SLC12A8: variants seen among roughly 807,000 people sequenced by gnomAD.
SLC12A8 encodes solute carrier family 12 member 8.
In SLC12A8, 69 loss-of-function variants were observed where a neutral mutation model predicts 75.6. The ratio of observed to expected loss-of-function variants is 0.91; its 90% CI spans 0.75 to 1.11. The LOEUF (loss-of-function observed/expected upper bound fraction) is 1.11. SLC12A8 is among the 50% of genes most tolerant of loss of function. The pLI is 0.00. For missense variants in SLC12A8, 877 were observed against 896.7 expected, an observed-to-expected ratio of 0.98 and a Z score of 0.28; for synonymous variants, 365 against 372.8, an observed-to-expected ratio of 0.98 and a Z score of 0.24.
At chr3:125,158,756 A>G (rs1011182026) in intron 5 of SLC12A8, among the ~76,000 whole-genome samples, 1 of 152,206 alleles carries the variant, frequency 6.6e-6, no homozygotes, top group East Asian at 1.9e-4. Context: ...ACAGTTTCTG[A>G]CTGCTGTGAT....
At position 125,135,716 on chromosome 3, in the gene SLC12A8, C is replaced by T; in HGVS notation, c.689G>A (p.Gly230Glu). 1 of 1,610,246 alleles carries T rather than the reference C, an allele frequency of 6.2e-7. No individual in the cohort carries two copies. Among genetic ancestry groups the T allele is most frequent in the South Asian group, 1.1e-5 (1 of 90,360 alleles). Reference sequence around the variant, plus strand: ...CCCAAAGACAGTGAAAAAAGATTCCCCCGGGCTGTAATCGGGCAGCGTGTT... The same window carrying T: ...CCCAAAGACAGTGAAAAAAGATTCCTCCGGGCTGTAATCGGGCAGCGTGTT... The part of the protein sequence containing the change: ...QNNTLPDYSP[G>E]ESFFTVFGVF... The change falls in exon 6 of 14, where the codon GGG (glycine) becomes GAG (glutamate). Residue 230 changes from glycine (G) to glutamate (E), a missense_variant. By Grantham distance (98) the Gly-to-Glu change is moderately conservative. Transcript: ENST00000469902.
intron 5 of SLC12A8, 83 bp from the exon 6 acceptor site, chr3:125,135,865 T>A: frequency 1.3e-6 from 1 of 771,598 alleles, no homozygotes; most frequent in South Asian, 2.2e-5. Context: ...CTATTTCATA[T>A]ATCGCTTTAA....
intron 4 of SLC12A8, among the ~76,000 whole-genome samples, chr3:125,181,857 A>C (rs964044897): frequency 6.6e-6 from 1 of 152,094 alleles, no homozygotes; most frequent in Non-Finnish European, 1.5e-5. Flanking sequence ...AATATAGACT[A>C]TTAGGAAAAA....
intron 1 of SLC12A8, among the ~76,000 whole-genome samples, chr3:125,211,675 C>G (rs1199414255): frequency 6.6e-6 from 1 of 152,202 alleles, no homozygotes; most frequent in African/African-American, 2.4e-5. Context: ...ACGTGAGGGT[C>G]AGAGCCAGCT....
intron 6 of SLC12A8, among the ~76,000 whole-genome samples, chr3:125,127,092 G>T (rs1933228032): frequency 6.6e-6 from 1 of 152,204 alleles, no homozygotes; most frequent in South Asian, 2.1e-4. Context: ...GGAGAGATGG[G>T]CTCTGCTCCT....
rs150381953 is a variant in SLC12A8 at position 125,202,667 on chromosome 3, A to T, written c.51+8632T>A. ...TTTTTTTTTAAATCTGTATCTAATG[A>T]TGTTATGACAACTTAAAAATCTTGC... On this transcript the variant is annotated intron_variant, in intron 2 of 13. Transcript: ENST00000469902. 5.8e-3 allele frequency among the ~76,000 whole-genome samples: 845 copies of T among 146,802 alleles called. 8 individuals carry two copies. The highest frequency in any genetic ancestry group is 0.02 in the African/African-American group (808 of 39,818).
chr3:125,182,396 C>T (rs188033182), intron 4 of SLC12A8, among the ~76,000 whole-genome samples: 5 of 151,690 alleles, frequency 3.3e-5, no homozygotes, highest in East Asian at 1.9e-4. Context: ...TTATACTATA[C>T]GATATTAAGT....
Position 125,107,687 on chromosome 3 carries a change from G to A in SLC12A8, c.1499C>T (p.Thr500Ile), listed in dbSNP as rs370657746. 1.9e-6 allele frequency: 3 copies of A among 1,614,164 alleles called. No individual in the cohort carries two copies. Among genetic ancestry groups the A allele is most frequent in the Non-Finnish European group, 2.5e-6 (3 of 1,180,024 alleles). ...GTCCAAGAGGAAGCTATCTTGTAGG[G>A]TCTGCTTGGTGGCCTTCTTGCTTTT... ...KRKSKKATKQTLQDSFLLDLK... is the reference protein window; with the variant it reads ...KRKSKKATKQILQDSFLLDLK... Residue 500 changes from threonine (T) to isoleucine (I), a missense_variant, in exon 10 of 14, where the codon ACC becomes ATC. Transcript: ENST00000469902.
intron 10 of SLC12A8, among the ~76,000 whole-genome samples, chr3:125,097,375 C>T (rs1018853452): frequency 1.3e-4 from 19 of 150,062 alleles, no homozygotes; most frequent in Non-Finnish European, 5.9e-5. Context: ...GGCAACAGAG[C>T]AAGACTCTGT....
Position 125,211,355 on chromosome 3 carries a change from AG to A in SLC12A8, c.-7del, listed in dbSNP as rs1433578134. 6 of 1,613,498 alleles carry A rather than the reference AG, an allele frequency of 3.7e-6. No individual in the cohort carries two copies. The Middle Eastern group carries it at 6.6e-4, about 177-fold the overall frequency. On this transcript the variant is annotated 5_prime_UTR_variant, in exon 2 of 14. Coordinates refer to ENST00000469902, the MANE Select transcript of SLC12A8 (RefSeq NM_024628.6). ...ACCTGGGACATCTGGGTCATTCTCC[AG>A]CAAGCAGGGATCCTGGTGATCTGGA...
Position 125,164,615 on chromosome 3 carries a change from T to A in SLC12A8, c.622+13128A>T, listed in dbSNP as rs2107779901. Among the ~76,000 whole-genome samples the A allele has an allele frequency of 2.6e-5, 4 of 152,256 alleles. No homozygotes were observed. In the Middle Eastern group the frequency reaches 0.014, roughly 518 times the overall value. ...CCTGGCCCTGAGCCTGTGCCCAGTG[T>A]AAAGGGGATGACAGTCTTGTCTCCA... On this transcript the variant is annotated intron_variant, in intron 5 of 13. Transcript: ENST00000469902.
At chr3:125,141,195 A>T (rs566313067) in intron 5 of SLC12A8, among the ~76,000 whole-genome samples, 1 of 152,204 alleles carries the variant, frequency 6.6e-6, no homozygotes, top group South Asian at 2.1e-4. Flanking sequence ...TAAGACAGAG[A>T]ACAAATGACA....
chr3:125,115,737 T>C (rs1457190700), intron 8 of SLC12A8, among the ~76,000 whole-genome samples: 1 of 146,264 alleles, frequency 6.8e-6, no homozygotes, highest in African/African-American at 2.5e-5. Context: ...GAGAGAGGAG[T>C]GCATTTGGGA....
intron 5 of SLC12A8, chr3:125,151,143 C>A (rs934071278): frequency 1.3e-5 from 2 of 152,182 alleles, no homozygotes; most frequent in Non-Finnish European, 2.9e-5. Flanking sequence ...AAACAGTGAA[C>A]ATTACCAGGG....
At chr3:125,129,423 C>T (rs770807220) in intron 6 of SLC12A8, among the ~76,000 whole-genome samples, 2 of 152,186 alleles carry the variant, frequency 1.3e-5, no homozygotes, top group South Asian at 2.1e-4. Flanking sequence ...AAGCTCCCCC[C>T]ACTCCACCCC....
intron 6 of SLC12A8, among the ~76,000 whole-genome samples, chr3:125,133,550 C>T (rs763154689): frequency 5.9e-5 from 9 of 151,910 alleles, no homozygotes; most frequent in Non-Finnish European, 1.0e-4. Flanking sequence ...CTCAGCCTCC[C>T]GAGTTGCTGG....
chr3:125,100,757 T>C (rs1938851999), intron 10 of SLC12A8, among the ~76,000 whole-genome samples: 2 of 145,210 alleles, frequency 1.4e-5, no homozygotes, highest in South Asian at 4.8e-4. Context: ...CTCACGCCTG[T>C]AATCCCAGCA....
intron 3 of SLC12A8, 47 bp from the exon 4 acceptor site, chr3:125,187,475 C>T (rs1381101335): frequency 6.4e-7 from 1 of 1,563,952 alleles, no homozygotes; most frequent in Non-Finnish European, 8.7e-7. Context: ...TGAGGAGGCC[C>T]CGCCAGCTCC....
intron 2 of SLC12A8, among the ~76,000 whole-genome samples, chr3:125,210,181 T>G (rs1314891401): frequency 1.3e-5 from 2 of 152,232 alleles, no homozygotes; most frequent in African/African-American, 4.8e-5. Context: ...ATGTGATCAA[T>G]CAACTAAAAT....
Sources: gnomAD v4.1 joint callset for allele counts (sites outside exome capture counted in the v4.1 genomes callset) on GRCh38, gnomAD v4.1.1 for gene constraint, MANE v1.5 for transcripts, NCBI Gene and HGNC (gene_info 2026-07-23, HGNC 2026-07-21) for gene names.